ATF7IP: variants seen among roughly 807,000 people sequenced by gnomAD.
The protein encoded by ATF7IP is activating transcription factor 7-interacting protein 1.
ATF7IP carries 23 observed loss-of-function variants against 106.4 expected under a neutral mutation model. That is an observed-to-expected ratio of 0.22 (90% confidence interval 0.16 to 0.31). The LOEUF is 0.31. ATF7IP is among the 10% of genes least tolerant of loss of function. The probability of loss-of-function intolerance (pLI) is 1.00; values close to 1 mark genes in which losing one functional copy is unlikely to be tolerated. For synonymous variants in ATF7IP, 542 were observed against 539.0 expected (o/e 1.01, Z -0.08); for missense variants, 1,334 against 1,524.3 (o/e 0.88, Z 2.08).
intron 5 of ATF7IP, among the ~76,000 whole-genome samples, chr12:14,446,408 A>G (rs554343142): frequency 6.6e-6 from 1 of 152,292 alleles, no homozygotes; most frequent in East Asian, 1.9e-4. Flanking sequence ...TCGGCCTCCT[A>G]AAGTGCTGGA....
At chr12:14,408,150 A>G (rs1219630089) in intron 1 of ATF7IP, among the ~76,000 whole-genome samples, 1 of 152,066 alleles carries the variant, frequency 6.6e-6, no homozygotes, top group Non-Finnish European at 1.5e-5. Flanking sequence ...ACAAATATAT[A>G]TGGACAGTGG....
intron 1 of ATF7IP, among the ~76,000 whole-genome samples, chr12:14,404,100 T>C (rs1324167304): frequency 6.6e-6 from 1 of 150,532 alleles, no homozygotes; most frequent in Non-Finnish European, 1.5e-5. Context: ...AGGAAGACAA[T>C]ATGGGCATCT....
intron 3 of ATF7IP, among the ~76,000 whole-genome samples, chr12:14,434,750 G>A (rs1016747173): frequency 2.0e-5 from 3 of 152,132 alleles, no homozygotes; most frequent in African/African-American, 4.8e-5. Flanking sequence ...ATGGGCTAAC[G>A]TAAGTGAATG....
Position 14,438,422 on chromosome 12 carries a change from A to C in ATF7IP, c.1929+155A>C, listed in dbSNP as rs536751401. Among the ~76,000 whole-genome samples the C allele has an allele frequency of 2.6e-5, 4 of 152,360 alleles. No homozygotes were observed. The South Asian group carries it at 8.3e-4, about 32-fold the overall frequency. ...TTAGTTTGCCAGGGCTGCTGTAAAGAAAGTGCAATAAACTGAGTGGTTTAA... is the reference window on the plus strand; with the variant it reads ...TTAGTTTGCCAGGGCTGCTGTAAAGCAAGTGCAATAAACTGAGTGGTTTAA... On this transcript the variant is annotated intron_variant, in intron 5 of 14. Transcript: ENST00000261168.
Position 14,492,327 on chromosome 12 carries a change from G to A in ATF7IP, c.3281-3904G>A, listed in dbSNP as rs1279183803. On this transcript the variant is annotated intron_variant, in intron 13 of 14. Transcript: ENST00000261168. ...ACCAGTGTCCAGTAGTCCCTGAAATGTCTGATCGTTTCCTTTTCCGCAATG... is the reference window on the plus strand; with the variant it reads ...ACCAGTGTCCAGTAGTCCCTGAAATATCTGATCGTTTCCTTTTCCGCAATG... Among the ~76,000 whole-genome samples, 4 of 152,162 alleles carry A rather than the reference G, an allele frequency of 2.6e-5. No individual in the cohort carries two copies. The East Asian group carries it at 7.7e-4, about 29-fold the overall frequency.
intron 9 of ATF7IP, among the ~76,000 whole-genome samples, chr12:14,464,973 T>C (rs1357434429): frequency 1.3e-5 from 2 of 152,180 alleles, no homozygotes; most frequent in African/African-American, 4.8e-5. Context: ...CCCAGCACTT[T>C]GGGAGGCTGA....
chr12:14,387,019 A>T (rs1043354809), intron 1 of ATF7IP, among the ~76,000 whole-genome samples: 2 of 152,212 alleles, frequency 1.3e-5, no homozygotes, highest in Non-Finnish European at 1.5e-5. Context: ...ATCAGTGTCC[A>T]TTTATTTAGT....
In ATF7IP at chr12:14,500,282, A is replaced by AG. The variant is rs1487225687; in HGVS notation, c.*2211dup. 1 of 152,212 alleles carries AG rather than the reference A, an allele frequency of 6.6e-6. No homozygotes were observed. The highest frequency in any genetic ancestry group is 1.9e-4 in the East Asian group (1 of 5,198). The allele number at this position is 152,212 out of a possible 1,614,324, so 9.4% of individuals were successfully genotyped here. The stretch of plus-strand genomic sequence containing the variant: ...AGACTTTTGACTGGTCAGTATACTG[A>AG]GGTGTGAGATTTGATTCATGATGAA... On this transcript the variant is annotated 3_prime_UTR_variant, in exon 15 of 15. Coordinates refer to ENST00000261168, the MANE Select transcript of ATF7IP (RefSeq NM_018179.5).
In ATF7IP at chr12:14,402,082, TTCTG is replaced by T. The variant is rs535135844; in HGVS notation, c.-7-21819_-7-21816del. ...GGAATTTTCTTTTTTTTTTCTTTCT[TTCTG>T]TCTGTCTTTCTCTCTCTCTTTTTCT... On this transcript the variant is annotated intron_variant, in intron 1 of 14. Coordinates refer to ENST00000261168, the MANE Select transcript of ATF7IP (RefSeq NM_018179.5). Among the ~76,000 whole-genome samples the T allele has an allele frequency of 1.7e-3, 252 of 151,558 alleles. 2 individuals are homozygous for T. The highest frequency in any genetic ancestry group is 5.0e-3 in the African/African-American group (209 of 41,410).
rs917706305 is a variant in ATF7IP at position 14,501,890 on chromosome 12, A to G, written c.*3817A>G. ...TTCTCCAAATTACCATTTATGCAACATGGTTAGGGTTAATACTGCATGGTA... is the reference window on the plus strand; with the variant it reads ...TTCTCCAAATTACCATTTATGCAACGTGGTTAGGGTTAATACTGCATGGTA... On this transcript the variant is annotated 3_prime_UTR_variant, in exon 15 of 15. Transcript: ENST00000261168. 4 of 152,186 alleles carry G rather than the reference A, an allele frequency of 2.6e-5. No homozygotes were observed. Among genetic ancestry groups the G allele is most frequent in the African/African-American group, 9.7e-5 (4 of 41,430 alleles). The allele number at this position is 152,186 out of a possible 1,614,324, so 9.4% of individuals were successfully genotyped here. A position where few individuals can be genotyped will look rare whatever the true frequency, so the allele number is the denominator to read the frequency against.
At chr12:14,401,949 T>C (rs949367576) in intron 1 of ATF7IP, among the ~76,000 whole-genome samples, 12 of 151,614 alleles carry the variant, frequency 7.9e-5, no homozygotes, top group Non-Finnish European at 1.5e-4. Context: ...CCTGACCTCG[T>C]GATGCGCTTG....
At chr12:14,379,402 C>T (rs1938909534) in intron 1 of ATF7IP, among the ~76,000 whole-genome samples, 1 of 152,142 alleles carries the variant, frequency 6.6e-6, no homozygotes, top group South Asian at 2.1e-4. Context: ...ATAAATTACC[C>T]ATTTTCAAAT....
At chr12:14,460,397 A>G (rs1030823162) in intron 8 of ATF7IP, 98 bp from the exon 9 acceptor site, 6 of 1,189,630 alleles carry the variant, frequency 5.0e-6, no homozygotes, top group Middle Eastern at 2.1e-4. Flanking sequence ...AGTCTTTGCA[A>G]TGTATTACGC....
intron 6 of ATF7IP, among the ~76,000 whole-genome samples, chr12:14,453,718 G>T (rs1208809460): frequency 6.6e-6 from 1 of 151,798 alleles, no homozygotes; most frequent in Non-Finnish European, 1.5e-5. Flanking sequence ...TCCGCCTCCT[G>T]GGTTCAAGCG....
intron 10 of ATF7IP, among the ~76,000 whole-genome samples, chr12:14,471,225 C>A (rs1312108421): frequency 6.6e-6 from 1 of 152,070 alleles, no homozygotes; most frequent in African/African-American, 2.4e-5. Context: ...AGTGAATGTA[C>A]CATTACACTT....
At chr12:14,450,907 C>T (rs1297577977) in intron 6 of ATF7IP, among the ~76,000 whole-genome samples, 2 of 152,020 alleles carry the variant, frequency 1.3e-5, no homozygotes, top group African/African-American at 2.4e-5. Flanking sequence ...TCCTGAGTAG[C>T]TGGAATAATA....
At chr12:14,466,685 A>G (rs956025754) in intron 10 of ATF7IP, 95 bp downstream of exon 10, 23 of 1,004,536 alleles carry the variant, frequency 2.3e-5, no homozygotes, top group Admixed American at 1.0e-4. Flanking sequence ...AAATTGTTCT[A>G]TGTGTGTTTT....
Position 14,502,376 on chromosome 12 carries a change from GGGGA to G in ATF7IP, c.*4306_*4309del, listed in dbSNP as rs1394417056. The stretch of plus-strand genomic sequence containing the variant: ...CATTCATCCCCTTGAGCCAGCCAAT[GGGGA>G]GGAATAGGATAATGCAAACACATGT... On this transcript the variant is annotated 3_prime_UTR_variant, in exon 15 of 15. Transcript: ENST00000261168. The G allele has an allele frequency of 3.1e-4, 47 of 152,190 alleles. No homozygotes were observed. Among genetic ancestry groups the G allele is most frequent in the African/African-American group, 1.1e-3 (47 of 41,504 alleles). 9.4% of individuals were successfully genotyped at this position (152,190 alleles called of 1,614,324 possible).
intron 6 of ATF7IP, among the ~76,000 whole-genome samples, chr12:14,450,179 T>C (rs1943144332): frequency 6.6e-6 from 1 of 152,164 alleles, no homozygotes; most frequent in Non-Finnish European, 1.5e-5. Flanking sequence ...CATAATTGTT[T>C]GGTTTAGAAT....
Sources: gnomAD v4.1 joint callset for allele counts (sites outside exome capture counted in the v4.1 genomes callset) on GRCh38, gnomAD v4.1.1 for gene constraint, MANE v1.5 for transcripts, NCBI Gene and HGNC (gene_info 2026-07-23, HGNC 2026-07-21) for gene names.